Variants in APBB1IP observed in about 807,000 individuals in gnomAD.
APBB1IP encodes amyloid beta A4 precursor protein-binding family B member 1-interacting protein.
Under a neutral mutation model 64.9 loss-of-function variants are expected in APBB1IP, and 27 were observed. The observed-to-expected ratio is 0.42, with a 90% CI of 0.31 to 0.57. The LOEUF (loss-of-function observed/expected upper bound fraction) is 0.57, where lower values mean the gene tolerates loss of function less well. Ranked by LOEUF, APBB1IP falls within the 20% of genes least tolerant of loss-of-function variation. The pLI, the probability that APBB1IP is intolerant of heterozygous loss-of-function variation, is 0.20. For synonymous variants in APBB1IP, 392 were observed against 331.0 expected (o/e 1.18, Z -2.00); for missense variants, 812 against 845.5 (o/e 0.96, Z 0.49).
intron 2 of APBB1IP, among the ~76,000 whole-genome samples, chr10:26,453,446 G>A (rs910924482): frequency 7.2e-5 from 11 of 152,162 alleles, no homozygotes; most frequent in African/African-American, 1.9e-4. Flanking sequence ...GTGACAGTGA[G>A]GGTGGGACAG....
intron 2 of APBB1IP, among the ~76,000 whole-genome samples, chr10:26,455,525 A>AG (rs1403007590): frequency 6.6e-6 from 1 of 151,210 alleles, no homozygotes; most frequent in African/African-American, 2.4e-5. Flanking sequence ...AAAAAAAAAA[A>AG]AGAATAATAA....
In APBB1IP at chr10:26,499,923, G is replaced by A. The variant is rs553034372; in HGVS notation, c.161-896G>A. ...TAATTTCTGCTATTTATCATTAATG[G>A]CTCTTGGCTGGGCACAGTGGCTCAT... is the stretch of plus-strand genomic sequence containing the variant. On this transcript the variant is annotated intron_variant, in intron 4 of 14. Coordinates refer to ENST00000376236, the MANE Select transcript of APBB1IP (RefSeq NM_019043.4). Among the ~76,000 whole-genome samples, 5 of 152,042 alleles carry A rather than the reference G, an allele frequency of 3.3e-5. No individual in the cohort carries two copies. The South Asian group carries it at 8.3e-4, about 25-fold the overall frequency.
chr10:26,504,642 G>A lies in APBB1IP; in HGVS notation c.531+1368G>A, dbSNP rs543004296. ...GGATAATCATTTGAGCCCAGAAGGC[G>A]GAGGTTGCCGTGAGCCAAGATTGCA... On this transcript the variant is annotated intron_variant, in intron 6 of 14. Transcript: ENST00000376236. 3.3e-5 allele frequency among the ~76,000 whole-genome samples: 5 copies of A among 152,054 alleles called. No homozygotes were observed. In the South Asian group the frequency reaches 8.3e-4, roughly 25 times the overall value.
rs879495773 is a variant in APBB1IP, at chr10:26,446,887, T to G, written c.-1+8034T>G. On this transcript the variant is annotated intron_variant, in intron 2 of 14. Transcript: ENST00000376236. ...ATAGATAGATAGAGAGAGAGATAGA[T>G]AGAAATAGATAGATATGGTCCCTAC... Among the ~76,000 whole-genome samples the G allele has an allele frequency of 1.1e-4, 13 of 116,118 alleles. No homozygotes were observed. In the East Asian group the frequency reaches 1.6e-3, roughly 15 times the overall value. 76.2% of individuals were successfully genotyped at this position (116,118 alleles called of 152,430 possible). A position where few individuals can be genotyped will look rare whatever the true frequency, so the allele number is the denominator to read the frequency against.
chr10:26,541,354 G>GTA (rs774551082), intron 10 of APBB1IP, among the ~76,000 whole-genome samples: 37 of 152,142 alleles, frequency 2.4e-4, no homozygotes, highest in Non-Finnish European at 4.9e-4. Flanking sequence ...AAAGATTTAT[G>GTA]TATAGATCTT....
chr10:26,547,760 A>G (rs573601072), intron 11 of APBB1IP, among the ~76,000 whole-genome samples: 2 of 152,220 alleles, frequency 1.3e-5, no homozygotes, highest in African/African-American at 2.4e-5. Context: ...TGGGTCATAT[A>G]TTAACTAATC....
At chr10:26,539,344 C>T (rs1341901653) in intron 10 of APBB1IP, among the ~76,000 whole-genome samples, 4 of 144,574 alleles carry the variant, frequency 2.8e-5, no homozygotes, top group African/African-American at 7.7e-5. Flanking sequence ...CCCGGGAGGT[C>T]AAGACTTCAG....
At chr10:26,490,430 C>A (rs1835941229) in intron 2 of APBB1IP, among the ~76,000 whole-genome samples, 1 of 151,632 alleles carries the variant, frequency 6.6e-6, no homozygotes, top group South Asian at 2.1e-4. Flanking sequence ...TTTCAGACCA[C>A]CCTGGCCAAC....
In APBB1IP at chr10:26,567,281, GCCC is replaced by G. The variant is rs1314335534; in HGVS notation, c.1797_1799del (p.Pro606del). ...ACGCAGGGATCGCGGGCTCAGAGCT[GCCC>G]CCGCCGCCGCCGCCGCCGCCCGCGC... On this transcript the variant is annotated inframe_deletion, in exon 15 of 15. Transcript: ENST00000376236. The G allele has an allele frequency of 8.9e-7, 1 of 1,118,276 alleles. No individual in the cohort carries two copies. Among genetic ancestry groups the G allele is most frequent in the South Asian group, 3.7e-5 (1 of 27,030 alleles). The allele number at this position is 1,118,276 out of a possible 1,614,324, so 69.3% of individuals were successfully genotyped here. A position where few individuals can be genotyped will look rare whatever the true frequency, so the allele number is the denominator to read the frequency against.
chr10:26,557,873 T>A lies in APBB1IP; in HGVS notation c.1156-2232T>A, dbSNP rs146284085. ...CGAGACCCTTTGCTTAGAACAACTTTGAGAATAGCCATTTCCTTGGAGGTC... is the reference window on the plus strand; with the variant it reads ...CGAGACCCTTTGCTTAGAACAACTTAGAGAATAGCCATTTCCTTGGAGGTC... On this transcript the variant is annotated intron_variant, in intron 11 of 14. Transcript: ENST00000376236. Among the ~76,000 whole-genome samples the A allele has an allele frequency of 7.2e-3, 1,094 of 152,222 alleles. 11 individuals are homozygous for A. The highest frequency in any genetic ancestry group is 0.025 in the African/African-American group (1,050 of 41,522).
At chr10:26,500,643 T>C (rs952838200) in intron 4 of APBB1IP, among the ~76,000 whole-genome samples, 176 bp from the exon 5 acceptor site, 1 of 152,246 alleles carries the variant, frequency 6.6e-6, no homozygotes, top group African/African-American at 2.4e-5. Flanking sequence ...GCAACAGTTC[T>C]TTTAGGAATT....
intron 2 of APBB1IP, among the ~76,000 whole-genome samples, chr10:26,445,346 A>G (rs1835385191): frequency 6.6e-6 from 1 of 152,248 alleles, no homozygotes; most frequent in Non-Finnish European, 1.5e-5. Flanking sequence ...AATAATCAAA[A>G]CAATGGAAAT....
intron 4 of APBB1IP, among the ~76,000 whole-genome samples, chr10:26,498,099 A>G (rs919027328): frequency 2.0e-5 from 3 of 152,146 alleles, no homozygotes; most frequent in African/African-American, 7.2e-5. Context: ...CTTTCTTGAT[A>G]AATTATAATA....
At chr10:26,466,660 G>T (rs1398164969) in intron 2 of APBB1IP, among the ~76,000 whole-genome samples, 1 of 152,170 alleles carries the variant, frequency 6.6e-6, no homozygotes, top group Non-Finnish European at 1.5e-5. Flanking sequence ...GATTAGCCAG[G>T]CATGGTGGTA....
At chr10:26,446,190 G>T (rs1340967394) in intron 2 of APBB1IP, among the ~76,000 whole-genome samples, 1 of 152,162 alleles carries the variant, frequency 6.6e-6, no homozygotes, top group African/African-American at 2.4e-5. Flanking sequence ...ATTTACCTAT[G>T]GCCACTGTTT....
In APBB1IP at chr10:26,567,242, G is replaced by GC; in HGVS notation, c.1760dup (p.Pro588AlafsTer106). 8.5e-7 allele frequency: 1 copy of GC among 1,174,742 alleles called. No individual in the cohort carries two copies. The highest frequency in any genetic ancestry group is 1.9e-5 in the South Asian group (1 of 53,790). The allele number at this position is 1,174,742 out of a possible 1,614,324, so 72.8% of individuals were successfully genotyped here. ...AGCCGCCCCCAGACTTCGTGCCCCC[G>GC]CCCCCGCCGTCGTACGCAGGGATCG... On this transcript the variant is annotated frameshift_variant, in exon 15 of 15. Coordinates refer to ENST00000376236, the MANE Select transcript of APBB1IP (RefSeq NM_019043.4). LOFTEE classifies it low-confidence loss of function (END_TRUNC).
chr10:26,561,099 C>G (rs865851377), intron 13 of APBB1IP, among the ~76,000 whole-genome samples: 1 of 99,162 alleles, frequency 1.0e-5, no homozygotes, highest in Non-Finnish European at 1.8e-5. Flanking sequence ...GAGACTCTCT[C>G]GCACTGTTGC....
At chr10:26,478,150 G>T (rs1835796593) in intron 2 of APBB1IP, among the ~76,000 whole-genome samples, 1 of 152,164 alleles carries the variant, frequency 6.6e-6, no homozygotes. Flanking sequence ...AATAGGTCAG[G>T]GCTCAGTAAT....
chr10:26,517,147 AT>A (rs1836342040), intron 8 of APBB1IP, among the ~76,000 whole-genome samples: 1 of 152,162 alleles, frequency 6.6e-6, no homozygotes, highest in South Asian at 2.1e-4. Flanking sequence ...CCAATCTAGC[AT>A]TTTTGGGGAT....
Sources: allele counts gnomAD v4.1 joint callset (sites outside exome capture counted in the v4.1 genomes callset), GRCh38; gene constraint gnomAD v4.1.1; transcripts MANE v1.5; gene names NCBI Gene and HGNC (gene_info 2026-07-23, HGNC 2026-07-21).